The following VPS13A variants were observed in gnomAD, a reference collection of about 807,000 sequenced individuals.
The protein encoded by VPS13A is intermembrane lipid transfer protein VPS13A.
VPS13A carries 264 observed loss-of-function variants against 390.9 expected under a neutral mutation model. The observed-to-expected ratio is 0.68, with a 90% CI of 0.61 to 0.75. The LOEUF is 0.75. Ranked by LOEUF, VPS13A falls within the 30% of genes least tolerant of loss-of-function variation. VPS13A has a pLI of 0.00. For synonymous variants in VPS13A, 1,231 were observed against 1,227.1 expected, an observed-to-expected ratio of 1.00 and a Z score of -0.07; for missense variants, 3,409 against 3,733.9, an observed-to-expected ratio of 0.91 and a Z score of 2.27.
chr9:77,348,359 C>A (rs996693389), intron 52 of VPS13A, among the ~76,000 whole-genome samples: 1 of 152,086 alleles, frequency 6.6e-6, no homozygotes, highest in African/African-American at 2.4e-5. Context: ...TCCTCAGCAA[C>A]AAGAACAGAA....
intron 13 of VPS13A, among the ~76,000 whole-genome samples, chr9:77,223,590 C>T (rs571050330): frequency 2.7e-4 from 41 of 152,224 alleles, no homozygotes; most frequent in Non-Finnish European, 4.9e-4. Flanking sequence ...AAGCCTTATC[C>T]AGTGCAAGGC....
At chr9:77,268,884 G>A (rs1486176542) in intron 23 of VPS13A, among the ~76,000 whole-genome samples, 1 of 150,936 alleles carries the variant, frequency 6.6e-6, no homozygotes, top group Admixed American at 6.6e-5. Flanking sequence ...AGGTTGCAGT[G>A]AGCCAAGATT....
At chr9:77,197,404 T>C (rs1301754454) in intron 1 of VPS13A, among the ~76,000 whole-genome samples, 1 of 152,222 alleles carries the variant, frequency 6.6e-6, no homozygotes, top group African/African-American at 2.4e-5. Context: ...CTCTCCTCAA[T>C]TCTGTCAGTG....
chr9:77,330,333 G>A (rs1359394537), intron 45 of VPS13A, among the ~76,000 whole-genome samples: 4 of 152,104 alleles, frequency 2.6e-5, no homozygotes, highest in African/African-American at 4.8e-5. Flanking sequence ...TTATACAGAC[G>A]GATGCTTCCT....
At chr9:77,233,919 G>C (rs1823985954) in intron 17 of VPS13A, among the ~76,000 whole-genome samples, 1 of 152,052 alleles carries the variant, frequency 6.6e-6, no homozygotes, top group East Asian at 1.9e-4. Flanking sequence ...TTATAATGTT[G>C]TTTAGGTTCT....
chr9:77,302,578 G>A (rs1056839799), intron 33 of VPS13A, among the ~76,000 whole-genome samples: 2 of 151,678 alleles, frequency 1.3e-5, no homozygotes, highest in African/African-American at 4.8e-5. Context: ...TCACCATGTT[G>A]GCCAGGCTGG....
intron 26 of VPS13A, among the ~76,000 whole-genome samples, chr9:77,279,596 G>A (rs1050916989): frequency 6.6e-6 from 1 of 152,094 alleles, no homozygotes; most frequent in African/African-American, 2.4e-5. Flanking sequence ...AGGCTTGAGG[G>A]TGGGGCCTTT....
intron 33 of VPS13A, among the ~76,000 whole-genome samples, chr9:77,297,426 A>G (rs1035808688): frequency 5.3e-5 from 8 of 151,798 alleles, no homozygotes; most frequent in African/African-American, 1.9e-4. Context: ...CCCTCCCTGT[A>G]CCATGGCCTG....
chr9:77,342,773 C>T (rs1830906934), intron 50 of VPS13A, among the ~76,000 whole-genome samples: 1 of 152,052 alleles, frequency 6.6e-6, no homozygotes, highest in Admixed American at 6.6e-5. Context: ...CCAAGCATCT[C>T]GAATAGGGGA....
chr9:77,336,522 A>G (rs149661830), intron 46 of VPS13A, among the ~76,000 whole-genome samples: 86 of 152,220 alleles, frequency 5.6e-4, no homozygotes, highest in Non-Finnish European at 1.1e-3. Flanking sequence ...TATTTTTTCA[A>G]TAGTAATTTT....
At chr9:77,276,759 C>T (rs1461477237) in intron 26 of VPS13A, among the ~76,000 whole-genome samples, 3 of 152,158 alleles carry the variant, frequency 2.0e-5, no homozygotes, top group Non-Finnish European at 2.9e-5. Context: ...GCCTCAGTTG[C>T]TTTTTTGCAC....
At position 77,403,282 on chromosome 9, in the gene VPS13A, T is replaced by G. The variant is rs751744283; in HGVS notation, c.9236T>G (p.Val3079Gly). Reference sequence around the variant, plus strand: ...GCAAAATACAAATATTTTACCCATGTCATGATCAATAAGACAGATATGCTA... The same window carrying G: ...GCAAAATACAAATATTTTACCCATGGCATGATCAATAAGACAGATATGCTA... The part of the protein sequence containing the change: ...RFAKYKYFTH[V>G]MINKTDMLMI... The change falls in exon 69 of 72, where the codon GTC becomes GGC. Residue 3079 changes from valine (V) to glycine (G), a missense_variant. Physicochemically the swap from Val to Gly is moderately radical, Grantham distance 109. This residue lies in a region of VPS13A where 318 missense variants were observed against 333.7 expected (regional missense o/e 0.95). Transcript: ENST00000360280. 6.2e-7 allele frequency: 1 copy of G among 1,612,448 alleles called. No individual in the cohort carries two copies. Among genetic ancestry groups the G allele is most frequent in the Non-Finnish European group, 8.5e-7 (1 of 1,179,660 alleles).
intron 10 of VPS13A, among the ~76,000 whole-genome samples, chr9:77,217,224 C>T (rs1822915180): frequency 6.6e-6 from 1 of 152,178 alleles, no homozygotes. Flanking sequence ...AAACTAGCAA[C>T]ATCATTTAGA....
Position 77,360,545 on chromosome 9 carries a change from A to G in VPS13A, c.8115A>G (p.Lys2705=), listed in dbSNP as rs2131563560. The part of the protein sequence containing the change: ...HSQISRIKYF[K]VLIQEMDLRL... ...CTACTTTGTAATACAGGTATTTCAA[A>G]GTATTGATTCAAGAAATGGATCTCA... Residue 2705 remains lysine (K), a synonymous_variant, in exon 59 of 72, where the codon AAA becomes AAG. Coordinates refer to ENST00000360280, the MANE Select transcript of VPS13A (RefSeq NM_033305.3). 1 of 1,610,592 alleles carries G rather than the reference A, an allele frequency of 6.2e-7. No individual in the cohort carries two copies. The highest frequency in any genetic ancestry group is 8.5e-7 in the Non-Finnish European group (1 of 1,177,160).
At chr9:77,310,915 A>G (rs992178829) in intron 35 of VPS13A, among the ~76,000 whole-genome samples, 4 of 151,510 alleles carry the variant, frequency 2.6e-5, no homozygotes, top group Non-Finnish European at 5.9e-5. Flanking sequence ...TGTACTCATC[A>G]CCCACTTTCA....
chr9:77,338,559 A>G (rs1372258492), intron 47 of VPS13A: 2 of 152,294 alleles, frequency 1.3e-5, no homozygotes, highest in East Asian at 3.9e-4. Context: ...TTGTGTATGT[A>G]AAGGATTTGG....
At chr9:77,220,524 A>G in intron 12 of VPS13A, 141 bp downstream of exon 12, 2 of 652,544 alleles carry the variant, frequency 3.1e-6, no homozygotes, top group Non-Finnish European at 5.2e-6. Flanking sequence ...CTAGAAATAT[A>G]TGTAGCTGCT....
chr9:77,413,830 T>A (rs1835052604), intron 71 of VPS13A, among the ~76,000 whole-genome samples: 1 of 152,160 alleles, frequency 6.6e-6, no homozygotes, highest in Non-Finnish European at 1.5e-5. Context: ...GAGAAAATTT[T>A]TGCAATCTAC....
In VPS13A at chr9:77,308,116, A is replaced by C. The variant is rs1438650214; in HGVS notation, c.4114+18A>C. ...TTCAGGAGGTATGTTTTTAACTTCA[A>C]ATTTCTTTCTGCTTTCCTCTTTCTC... On this transcript the variant is annotated intron_variant, in intron 35 of 71. Coordinates refer to ENST00000360280, the MANE Select transcript of VPS13A (RefSeq NM_033305.3). 1 of 1,612,938 alleles carries C rather than the reference A, an allele frequency of 6.2e-7. No homozygotes were observed. The highest frequency in any genetic ancestry group is 8.5e-7 in the Non-Finnish European group (1 of 1,179,242).
Sources: gnomAD v4.1 joint callset for allele counts (sites outside exome capture counted in the v4.1 genomes callset) on GRCh38, gnomAD v4.1.1 for gene constraint, gnomAD v4.1.1 regional missense constraint, MANE v1.5 for transcripts, NCBI Gene and HGNC (gene_info 2026-07-23, HGNC 2026-07-21) for gene names.